Variants in ADAP1 observed in about 807,000 individuals in gnomAD.
ADAP1 encodes the protein ArfGAP with dual PH domains 1.
A neutral mutation model predicts 54.9 loss-of-function variants in ADAP1; 31 were observed. The observed-to-expected ratio is 0.56, with a 90% CI of 0.42 to 0.76. The LOEUF (loss-of-function observed/expected upper bound fraction) is 0.76. ADAP1 is among the 30% of genes least tolerant of loss of function. The pLI is 0.00. For missense variants in ADAP1, 535 were observed against 512.4 expected, an observed-to-expected ratio of 1.04 and a Z score of -0.42; for synonymous variants, 313 against 202.6, an observed-to-expected ratio of 1.55 and a Z score of -4.63.
At chr7:933,414 T>G (rs1033677244) in intron 2 of ADAP1, among the ~76,000 whole-genome samples, 1 of 152,082 alleles carries the variant, frequency 6.6e-6, no homozygotes, top group African/African-American at 2.4e-5. Flanking sequence ...GTGTGACCCA[T>G]GCACCAAGGC....
chr7:944,932 G>A (rs1262833667), intron 1 of ADAP1, among the ~76,000 whole-genome samples: 2 of 152,290 alleles, frequency 1.3e-5, no homozygotes, highest in Non-Finnish European at 2.9e-5. Flanking sequence ...GACTCTGGGC[G>A]ATGTCTTAAG....
chr7:912,767 C>T (rs1234522986), intron 4 of ADAP1, among the ~76,000 whole-genome samples: 2 of 152,158 alleles, frequency 1.3e-5, no homozygotes, highest in Non-Finnish European at 2.9e-5. Context: ...ATGGCGCGAT[C>T]TCGGCTCCCT....
chr7:946,837 T>C lies in ADAP1; in HGVS notation c.82+7559A>G, dbSNP rs887404027. Among the ~76,000 whole-genome samples, 3 of 152,204 alleles carry C rather than the reference T, an allele frequency of 2.0e-5. No homozygotes were observed. Among genetic ancestry groups the C allele is most frequent in the Non-Finnish European group, 4.4e-5 (3 of 68,034 alleles). On this transcript the variant is annotated intron_variant, in intron 1 of 10. Coordinates refer to ENST00000265846, the MANE Select transcript of ADAP1 (RefSeq NM_006869.4). The surrounding 1 kb of genome is among the most constrained non-coding windows in gnomAD (Gnocchi z 4.3). ...TCTAAATGCCACTGAATTTTCACTT[T>C]GAAATGATTAACCTGAGGCCGGGCG...
At chr7:951,364 C>T (rs1348480601) in intron 1 of ADAP1, among the ~76,000 whole-genome samples, 2 of 147,646 alleles carry the variant, frequency 1.4e-5, no homozygotes, top group Admixed American at 6.7e-5. Context: ...CAGAGCGAGA[C>T]TCCGTCTCAA....
At chr7:900,221 T>C in intron 7 of ADAP1, 57 bp from the exon 8 acceptor site, 1 of 1,600,730 alleles carries the variant, frequency 6.2e-7, no homozygotes, top group Admixed American at 1.7e-5. Context: ...GCCGAGCCCC[T>C]CCCTGGCTGT....
chr7:935,439 T>C lies in ADAP1; in HGVS notation c.149A>G (p.Asn50Ser). The C allele has an allele frequency of 1.3e-6, 2 of 1,559,760 alleles. No homozygotes were observed. The highest frequency in any genetic ancestry group is 1.2e-5 in the South Asian group (1 of 84,548). ...CTTCACCTTGCTGACCTGGGGGATATTCCGGTGGATTCCCGAGCAGCTCAG... is the reference window on the plus strand; with the variant it reads ...CTTCACCTTGCTGACCTGGGGGATACTCCGGTGGATTCCCGAGCAGCTCAG... ...ICLSCSGIHR[N>S]IPQVSKVKSV... The change falls in exon 2 of 11, where the codon AAT becomes AGT. Residue 50 changes from asparagine to serine, a missense_variant. By Grantham distance (46) the Asn-to-Ser change is conservative. Transcript: ENST00000265846.
intron 2 of ADAP1, among the ~76,000 whole-genome samples, chr7:930,682 G>A (rs1397839541): frequency 6.6e-6 from 1 of 151,658 alleles, no homozygotes; most frequent in African/African-American, 2.4e-5. Flanking sequence ...AGCTGGGCAT[G>A]GTGGCACACA....
intron 4 of ADAP1, among the ~76,000 whole-genome samples, chr7:906,503 GGGAGAAAGGAGAAA>G (rs1166062478): frequency 2.7e-3 from 3 of 1,110 alleles, no homozygotes; most frequent in African/African-American, 0.012. Flanking sequence ...AAAGGAGAAA[GGGAGAAAGGAGAAA>G]GGAGAAAGGG....
chr7:920,510 C>G lies in ADAP1; in HGVS notation c.306-460G>C, dbSNP rs1210639249. On this transcript the variant is annotated intron_variant, in intron 3 of 10. Coordinates refer to ENST00000265846, the MANE Select transcript of ADAP1 (RefSeq NM_006869.4). This position sits in a 1 kb window ranked among gnomAD's most constrained non-coding sequence, Gnocchi z 4.5. ...CCGCCCTCCACCCACCGTGCTGCCA[C>G]CTTGCACCCCCCGTGCCGCCCTCCA... Among the ~76,000 whole-genome samples, 1 of 151,768 alleles carries G rather than the reference C, an allele frequency of 6.6e-6. No individual in the cohort carries two copies. The highest frequency in any genetic ancestry group is 1.5e-5 in the Non-Finnish European group (1 of 67,912).
At chr7:908,456 G>A (rs902366652) in intron 4 of ADAP1, among the ~76,000 whole-genome samples, 2 of 152,092 alleles carry the variant, frequency 1.3e-5, no homozygotes, top group African/African-American at 2.4e-5. Flanking sequence ...GGAGCTCCCC[G>A]CTCCCCAAGC....
chr7:939,782 G>A (rs1384954665), intron 1 of ADAP1, among the ~76,000 whole-genome samples: 2 of 151,060 alleles, frequency 1.3e-5, no homozygotes, highest in South Asian at 2.1e-4. Flanking sequence ...AGTGAGCCGA[G>A]ATCGTGCCAC....
intron 3 of ADAP1, among the ~76,000 whole-genome samples, chr7:925,350 G>A (rs1017142498): frequency 5.0e-5 from 6 of 120,460 alleles, no homozygotes; most frequent in Admixed American, 9.2e-5. Context: ...GGGAGACCCC[G>A]TCTCTATATT....
intron 3 of ADAP1, among the ~76,000 whole-genome samples, chr7:924,973 G>A (rs1010244060): frequency 1.3e-5 from 2 of 152,046 alleles, no homozygotes; most frequent in Non-Finnish European, 2.9e-5. Flanking sequence ...GCCTCAGAAT[G>A]AGAGTACGGG....
intron 4 of ADAP1, among the ~76,000 whole-genome samples, chr7:906,746 T>TAGGGGACATGGAC (rs1192532456): frequency 2.2e-4 from 5 of 23,234 alleles, no homozygotes; most frequent in Non-Finnish European, 4.2e-4. Flanking sequence ...ACAGAGTACA[T>TAGGGGACATGGAC]AGGGGACATG....
chr7:905,673 A>AG (rs1845196781), intron 4 of ADAP1: 5 of 131,008 alleles, frequency 3.8e-5, no homozygotes, highest in African/African-American at 1.7e-4. Context: ...GAAAGGAGAA[A>AG]GGGAAAGGAG....
At chr7:918,984 A>G (rs1846049083) in intron 4 of ADAP1, among the ~76,000 whole-genome samples, 1 of 151,710 alleles carries the variant, frequency 6.6e-6, no homozygotes, top group Non-Finnish European at 1.5e-5. Context: ...CCAGCTAAGC[A>G]GCACTGGGGA....
Position 938,576 on chromosome 7 carries a change from C to T in ADAP1, c.83-3071G>A, listed in dbSNP as rs988824206. Among the ~76,000 whole-genome samples the T allele has an allele frequency of 4.6e-5, 7 of 152,176 alleles. No homozygotes were observed. Among genetic ancestry groups the T allele is most frequent in the Non-Finnish European group, 7.3e-5 (5 of 68,032 alleles). ...GAGAGACCTGACTCCCCCCGGGCTC[C>T]GTCTTCTCCCGAAGCCTTGGTGAAA... is the stretch of plus-strand genomic sequence containing the variant. On this transcript the variant is annotated intron_variant, in intron 1 of 10. Coordinates refer to ENST00000265846, the MANE Select transcript of ADAP1 (RefSeq NM_006869.4). This position sits in a 1 kb window ranked among gnomAD's most constrained non-coding sequence, Gnocchi z 4.4.
At chr7:910,702 C>T (rs1298326640) in intron 4 of ADAP1, among the ~76,000 whole-genome samples, 1 of 152,250 alleles carries the variant, frequency 6.6e-6, no homozygotes, top group African/African-American at 2.4e-5. Flanking sequence ...TGAGTGACAG[C>T]TCACAGGGTG....
At chr7:900,424 C>T in intron 7 of ADAP1, 109 bp downstream of exon 7, 1 of 1,250,876 alleles carries the variant, frequency 8.0e-7, no homozygotes, top group Non-Finnish European at 1.1e-6. Flanking sequence ...CAGTCCCAGG[C>T]CCACCCTAGG....
Sources: allele counts gnomAD v4.1 joint callset (sites outside exome capture counted in the v4.1 genomes callset), GRCh38; gene constraint gnomAD v4.1.1; non-coding constraint Gnocchi (gnomAD v3.1); transcripts MANE v1.5; gene names NCBI Gene and HGNC (gene_info 2026-07-23, HGNC 2026-07-21).